The following ARMC8 variants were observed in gnomAD, a reference collection of about 807,000 sequenced individuals.
ARMC8 encodes the protein armadillo repeat-containing protein 8.
A neutral mutation model predicts 99.3 loss-of-function variants in ARMC8; 20 were observed. That is an observed-to-expected ratio of 0.20 (90% CI 0.14 to 0.29). ARMC8 has a LOEUF of 0.29. Ranked by LOEUF, ARMC8 falls within the 10% of genes least tolerant of loss-of-function variation. ARMC8 has a pLI of 1.00. For missense variants in ARMC8, 569 were observed against 809.5 expected (o/e 0.70, Z 3.60); for synonymous variants, 263 against 278.3 (o/e 0.95, Z 0.55).
intron 19 of ARMC8, among the ~76,000 whole-genome samples, chr3:138,285,098 C>T (rs1019164459): frequency 6.6e-6 from 1 of 152,180 alleles, no homozygotes; most frequent in Non-Finnish European, 1.5e-5. Flanking sequence ...CTATCCCTGC[C>T]ATGTCAGAGT....
At chr3:138,222,524 A>T (rs1239225072) in intron 3 of ARMC8, among the ~76,000 whole-genome samples, 8 of 152,218 alleles carry the variant, frequency 5.3e-5, no homozygotes, top group African/African-American at 1.9e-4. Context: ...GCAGGCAATG[A>T]CAGTTACATA....
At chr3:138,216,139 G>A (rs552610488) in intron 2 of ARMC8, among the ~76,000 whole-genome samples, 4 of 150,782 alleles carry the variant, frequency 2.7e-5, no homozygotes, top group South Asian at 2.1e-4. Context: ...CGCCCGCCTC[G>A]GACTTCCAAA....
intron 14 of ARMC8, among the ~76,000 whole-genome samples, chr3:138,266,777 G>T (rs1483452292): frequency 1.3e-5 from 2 of 152,148 alleles, no homozygotes; most frequent in African/African-American, 2.4e-5. Flanking sequence ...AGAAAGTCAG[G>T]CTGTAGGACC....
chr3:138,241,859 C>G lies in ARMC8; in HGVS notation c.914C>G (p.Ala305Gly). Residue 305 changes from alanine (A) to glycine (G), a missense_variant, in exon 11 of 22, where the codon GCC becomes GGC. Coordinates refer to ENST00000469044, the MANE Select transcript of ARMC8 (RefSeq NM_001363941.2). ...AGAGTTGAAGGAGCTGAGACACTTG[C>G]CTATCTGATTGAACCAGATGTTGAG... ...EERVEGAETL[A>G]YLIEPDVELQ... is the part of the protein sequence containing the mutation. The G allele has an allele frequency of 6.2e-7, 1 of 1,613,952 alleles. No individual in the cohort carries two copies. Among genetic ancestry groups the G allele is most frequent in the South Asian group, 1.1e-5 (1 of 91,086 alleles).
chr3:138,284,293 G>A (rs1287477991), intron 18 of ARMC8, 138 bp from the exon 19 acceptor site: 2 of 666,406 alleles, frequency 3.0e-6, no homozygotes, highest in Non-Finnish European at 5.4e-6. Context: ...GATGTCAGCA[G>A]ATGAGAAATC....
At chr3:138,242,027 A>G (rs749215117) in intron 11 of ARMC8, 44 bp downstream of exon 11, 10 of 1,557,534 alleles carry the variant, frequency 6.4e-6, no homozygotes, top group Admixed American at 5.0e-5. Flanking sequence ...AGATTTTTCT[A>G]AAGTTTTTCT....
chr3:138,294,860 T>G (rs983130294), intron 21 of ARMC8, among the ~76,000 whole-genome samples: 1 of 151,972 alleles, frequency 6.6e-6, no homozygotes, highest in Non-Finnish European at 1.5e-5. Context: ...GTTCACATTA[T>G]TTTTTGGTTT....
chr3:138,259,631 G>C (rs550076520), intron 12 of ARMC8, among the ~76,000 whole-genome samples: 1 of 152,290 alleles, frequency 6.6e-6, no homozygotes, highest in Admixed American at 6.5e-5. Context: ...CAGGCCTTCT[G>C]CTATAGACAT....
At chr3:138,202,234 C>G (rs1392696575) in intron 1 of ARMC8, among the ~76,000 whole-genome samples, 1 of 152,166 alleles carries the variant, frequency 6.6e-6, no homozygotes, top group Non-Finnish European at 1.5e-5. Context: ...TTTAAACATT[C>G]ATTTCGTCTG....
intron 19 of ARMC8, among the ~76,000 whole-genome samples, chr3:138,285,165 C>T (rs767965302): frequency 1.3e-5 from 2 of 152,190 alleles, no homozygotes; most frequent in Non-Finnish European, 2.9e-5. Context: ...TCCTAGTGTC[C>T]TTCAGTGATT....
chr3:138,258,625 C>T (rs868027985), intron 12 of ARMC8, among the ~76,000 whole-genome samples: 1 of 152,202 alleles, frequency 6.6e-6, no homozygotes, highest in Non-Finnish European at 1.5e-5. Flanking sequence ...GTCCCGATTA[C>T]AGGGGGCTCA....
chr3:138,246,585 A>G, intron 12 of ARMC8: 1 of 985,620 alleles, frequency 1.0e-6, no homozygotes, highest in Middle Eastern at 5.2e-4. Flanking sequence ...CAGGAGAAGT[A>G]TTTTACCCAT....
intron 20 of ARMC8, 56 bp downstream of exon 20, chr3:138,289,176 A>G (rs2050713258): frequency 1.4e-5 from 19 of 1,401,962 alleles, no homozygotes; most frequent in Non-Finnish European, 1.6e-5. Flanking sequence ...TGTCTTGCAC[A>G]GGGAAGCTAG....
intron 1 of ARMC8, among the ~76,000 whole-genome samples, chr3:138,203,509 C>G (rs2044192248): frequency 6.6e-6 from 1 of 152,214 alleles, no homozygotes; most frequent in Non-Finnish European, 1.5e-5. Flanking sequence ...AGTTCCATGC[C>G]ATGTGGGCCT....
At chr3:138,225,177 G>A (rs1041929946) in intron 5 of ARMC8, among the ~76,000 whole-genome samples, 1 of 141,224 alleles carries the variant, frequency 7.1e-6, no homozygotes, top group East Asian at 2.2e-4. Context: ...GAGGAATCTC[G>A]GCCCTGCAAC....
chr3:138,280,135 C>T (rs2049738994), intron 18 of ARMC8, among the ~76,000 whole-genome samples: 1 of 151,974 alleles, frequency 6.6e-6, no homozygotes, highest in Non-Finnish European at 1.5e-5. Context: ...AACTCCTGAC[C>T]TCAGCTGATC....
chr3:138,201,264 AT>A (rs11288554), intron 1 of ARMC8, among the ~76,000 whole-genome samples: 150,921 of 150,924 alleles, frequency 1, 75,459 homozygotes, highest in Non-Finnish European at 1. Flanking sequence ...CTGTTTAAAT[AT>A]TTTCTTGACC....
In ARMC8 at chr3:138,255,904, C is replaced by T. The variant is rs546685107; in HGVS notation, c.1135-7835C>T. 9.2e-5 allele frequency among the ~76,000 whole-genome samples: 14 copies of T among 152,180 alleles called. No individual in the cohort carries two copies. In the South Asian group the frequency reaches 2.5e-3, roughly 27 times the overall value. On this transcript the variant is annotated intron_variant, in intron 12 of 21. Transcript: ENST00000469044. ...CTGAGGTGGGAGAATCGCTCGAACC[C>T]GGGAGGCGGAGGTTGCAGTGAGCCT...
intron 1 of ARMC8, among the ~76,000 whole-genome samples, chr3:138,194,065 C>T (rs1281195287): frequency 1.0e-4 from 15 of 146,840 alleles, no homozygotes; most frequent in Non-Finnish European, 2.1e-4. Context: ...TTTTTTGAGA[C>T]GGCGTCTCGC....
Sources: allele counts gnomAD v4.1 joint callset (sites outside exome capture counted in the v4.1 genomes callset), GRCh38; gene constraint gnomAD v4.1.1; transcripts MANE v1.5; gene names NCBI Gene and HGNC (gene_info 2026-07-23, HGNC 2026-07-21).